The following NR3C1 variants were observed in gnomAD, a reference collection of about 807,000 sequenced individuals.
NR3C1 encodes the protein nuclear receptor subfamily 3 group C member 1.
A neutral mutation model predicts 74.0 loss-of-function variants in NR3C1; 14 were observed. The observed-to-expected ratio is 0.19, with a 90% CI of 0.12 to 0.30. The LOEUF (loss-of-function observed/expected upper bound fraction) is 0.30, where lower values mean the gene tolerates loss of function less well. Ranked by LOEUF, NR3C1 falls within the 10% of genes least tolerant of loss-of-function variation. The pLI, the probability that NR3C1 is intolerant of heterozygous loss-of-function variation, is 1.00. For missense variants in NR3C1, 695 were observed against 909.8 expected, an observed-to-expected ratio of 0.76 and a Z score of 3.04; for synonymous variants, 308 against 332.5, an observed-to-expected ratio of 0.93 and a Z score of 0.80.
At chr5:143,339,072 G>A in intron 2 of NR3C1, among the ~76,000 whole-genome samples, 1 of 152,118 alleles carries the variant, frequency 6.6e-6, no homozygotes. Flanking sequence ...TATGGTCCAG[G>A]TGTACTGTAG....
intron 1 of NR3C1, chr5:143,402,799 C>A (rs1327011066): frequency 1.0e-6 from 1 of 985,292 alleles, no homozygotes; most frequent in African/African-American, 1.7e-5. Context: ...TGCAAATATT[C>A]GGGCGAGTAA....
chr5:143,284,778 G>C (rs762963558), intron 7 of NR3C1, among the ~76,000 whole-genome samples: 2 of 152,108 alleles, frequency 1.3e-5, no homozygotes, highest in Non-Finnish European at 2.9e-5. Flanking sequence ...CCTAGGAAAA[G>C]AGAAACAAAT....
At position 143,400,198 on chromosome 5, in the gene NR3C1, T is replaced by C; in HGVS notation, c.642A>G (p.Arg214=). ...AGTTTTCATCTATCAACAGGTCTGA[T>C]CTCCAAGGACTCTCATTCGTCTCTT... ...PGKETNESPW[R]SDLLIDENCL... The change falls in exon 2 of 9, where the codon AGA becomes AGG. Residue 214 remains arginine (R), a synonymous_variant. Coordinates refer to ENST00000394464, the MANE Select transcript of NR3C1 (RefSeq NM_000176.3). 7 of 1,611,918 alleles carry C rather than the reference T, an allele frequency of 4.3e-6. No individual in the cohort carries two copies. Among genetic ancestry groups the C allele is most frequent in the Non-Finnish European group, 5.9e-6 (7 of 1,179,162 alleles).
Position 143,300,395 on chromosome 5 carries a change from A to G in NR3C1, c.1747+90T>C, listed in dbSNP as rs1237489543. 4.0e-6 allele frequency: 6 copies of G among 1,502,526 alleles called. No homozygotes were observed. In the South Asian group the frequency reaches 6.8e-5, roughly 17 times the overall value. 93.1% of individuals were successfully genotyped at this position (1,502,526 alleles called of 1,614,324 possible). ...AGAACTAAGAGAAACAAGATAAGCC[A>G]TGGGCTCACGATGATATAAAAGCCA... On this transcript the variant is annotated intron_variant, in intron 5 of 8. Coordinates refer to ENST00000394464, the MANE Select transcript of NR3C1 (RefSeq NM_000176.3). The surrounding 1 kb of genome is among the most constrained non-coding windows in gnomAD (Gnocchi z 5.2).
chr5:143,329,161 T>C (rs1450032498), intron 2 of NR3C1, among the ~76,000 whole-genome samples: 2 of 152,126 alleles, frequency 1.3e-5, no homozygotes, highest in Non-Finnish European at 2.9e-5. Context: ...TCAAGAAACA[T>C]ACAATCATGG....
chr5:143,311,929 C>A (rs1175927890), intron 3 of NR3C1, among the ~76,000 whole-genome samples: 3 of 115,448 alleles, frequency 2.6e-5, no homozygotes, highest in Non-Finnish European at 6.3e-5. Flanking sequence ...CAGTGCACAG[C>A]CCATTTTCCT....
upstream of NR3C1, chr5:143,407,551 CTGTT>C (rs1333338130): frequency 6.6e-6 from 1 of 152,230 alleles, no homozygotes; most frequent in Non-Finnish European, 1.5e-5. Flanking sequence ...GGGACTGTGT[CTGTT>C]TGTTCACCCC....
Position 143,281,281 on chromosome 5 carries a change from T to A in NR3C1, c.*608A>T, listed in dbSNP as rs1348037311. 1 of 152,924 alleles carries A rather than the reference T, an allele frequency of 6.5e-6. No homozygotes were observed. The highest frequency in any genetic ancestry group is 1.5e-5 in the Non-Finnish European group (1 of 68,326). 9.5% of individuals were successfully genotyped at this position (152,924 alleles called of 1,614,324 possible). On this transcript the variant is annotated 3_prime_UTR_variant, in exon 9 of 9. Coordinates refer to ENST00000394464, the MANE Select transcript of NR3C1 (RefSeq NM_000176.3). ...GGGAAAGCTACGAACTAGCTGCCCA[T>A]CTTAAACAGCTGTACAATAACTTGA... is the stretch of plus-strand genomic sequence containing the variant.
chr5:143,399,688 A>G lies in NR3C1; in HGVS notation c.1152T>C (p.Pro384=). The change falls in exon 2 of 9, where the codon CCT becomes CCC. Residue 384 remains proline, a synonymous_variant. Transcript: ENST00000394464. ...NLTSLGTLNF[P]GRTVFSNGYS... ...AGCCATTAGAAAAAACTGTTCGACC[A>G]GGGAAGTTCAGAGTCCCCAGAGAAG... The G allele has an allele frequency of 6.2e-7, 1 of 1,614,200 alleles. No individual in the cohort carries two copies. Among genetic ancestry groups the G allele is most frequent in the Non-Finnish European group, 8.5e-7 (1 of 1,179,994 alleles).
intron 2 of NR3C1, among the ~76,000 whole-genome samples, chr5:143,391,772 G>A (rs996114227): frequency 5.3e-5 from 8 of 151,996 alleles, no homozygotes; most frequent in African/African-American, 1.7e-4. Flanking sequence ...ATGAAACTGC[G>A]ATCCATGACC....
At chr5:143,284,491 C>CTAAT (rs147722759) in intron 7 of NR3C1, among the ~76,000 whole-genome samples, 1 of 152,096 alleles carries the variant, frequency 6.6e-6, no homozygotes, top group Non-Finnish European at 1.5e-5. Context: ...TACAGAAAAT[C>CTAAT]TAATTATTGC....
chr5:143,428,277 A>G (rs1751637076), intron 1 of NR3C1, among the ~76,000 whole-genome samples: 1 of 152,134 alleles, frequency 6.6e-6, no homozygotes, highest in Admixed American at 6.5e-5. Flanking sequence ...CTTGCTTTCA[A>G]TTTCCTTAAG....
At chr5:143,404,610 T>C, upstream of NR3C1, 2 of 437,392 alleles carry the variant, frequency 4.6e-6, no homozygotes, top group Non-Finnish European at 5.7e-6. Flanking sequence ...TCCCGCCCAA[T>C]GTGCTCACAC....
rs990094438 is a variant in NR3C1, at chr5:143,400,860, A to C, written c.-13-8T>G. ...TCCATCAGTGAATATCAACTACAAAACAAAAAACAAAAACGGGGGGAAAAC... is the reference window on the plus strand; with the variant it reads ...TCCATCAGTGAATATCAACTACAAACCAAAAAACAAAAACGGGGGGAAAAC... On this transcript the variant is annotated splice_region_variant and splice_polypyrimidine_tract_variant and intron_variant, in intron 1 of 8. Transcript: ENST00000394464. The C allele has an allele frequency of 6.3e-7, 1 of 1,598,704 alleles. No individual in the cohort carries two copies. The highest frequency in any genetic ancestry group is 1.3e-5 in the African/African-American group (1 of 74,708).
chr5:143,337,681 T>C (rs1827408463), intron 2 of NR3C1, among the ~76,000 whole-genome samples: 1 of 152,116 alleles, frequency 6.6e-6, no homozygotes, highest in Non-Finnish European at 1.5e-5. Context: ...CACTACAACA[T>C]GAATGAATCC....
intron 2 of NR3C1, among the ~76,000 whole-genome samples, chr5:143,393,097 A>G (rs1329958436): frequency 1.3e-5 from 2 of 152,204 alleles, no homozygotes; most frequent in African/African-American, 2.4e-5. Flanking sequence ...GAACATAGAA[A>G]ACAAGCTCTG....
intron 1 of NR3C1, among the ~76,000 whole-genome samples, chr5:143,415,112 A>G (rs1045030098): frequency 5.3e-5 from 8 of 152,230 alleles, no homozygotes; most frequent in African/African-American, 1.4e-4. Flanking sequence ...ACACATACTT[A>G]TTGTAAAAAT....
chr5:143,408,834 A>C (rs1338830713), intron 1 of NR3C1, among the ~76,000 whole-genome samples: 1 of 152,140 alleles, frequency 6.6e-6, no homozygotes, highest in African/African-American at 2.4e-5. Flanking sequence ...ATTTTCGTGC[A>C]GATTTCTAAA....
intron 3 of NR3C1, among the ~76,000 whole-genome samples, chr5:143,312,305 T>A (rs895409387): frequency 2.0e-5 from 3 of 152,264 alleles, no homozygotes; most frequent in African/African-American, 7.2e-5. Flanking sequence ...AGTGATGGCA[T>A]GTTACATGTG....
Sources: gnomAD v4.1 joint callset for allele counts (sites outside exome capture counted in the v4.1 genomes callset) on GRCh38, gnomAD v4.1.1 for gene constraint, Gnocchi (gnomAD v3.1) non-coding constraint, MANE v1.5 for transcripts, NCBI Gene and HGNC (gene_info 2026-07-23, HGNC 2026-07-21) for gene names.